Variants in IWS1 observed in about 807,000 individuals in gnomAD.
The protein encoded by IWS1 is interacts with SUPT6H, CTD assembly factor 1, also known as protein IWS1 homolog.
IWS1 carries 27 observed loss-of-function variants against 86.7 expected under a neutral mutation model. The ratio of observed to expected loss-of-function variants is 0.31; its 90% confidence interval spans 0.23 to 0.43. The LOEUF (loss-of-function observed/expected upper bound fraction) is 0.43, where lower values mean the gene tolerates loss of function less well. Among genes scored for constraint, IWS1 ranks in the 20% least tolerant of loss-of-function variants. The pLI is 1.00. For missense variants in IWS1, 827 were observed against 1,000.8 expected, an observed-to-expected ratio of 0.83 and a Z score of 2.34; for synonymous variants, 313 against 335.1, an observed-to-expected ratio of 0.93 and a Z score of 0.72.
intron 2 of IWS1, among the ~76,000 whole-genome samples, chr2:127,522,314 A>G (rs1692143854): frequency 6.6e-6 from 1 of 152,176 alleles, no homozygotes; most frequent in Non-Finnish European, 1.5e-5. Flanking sequence ...TTCTTAATAA[A>G]AGACCTATAT....
At chr2:127,513,091 A>G (rs1421823239) in intron 2 of IWS1, among the ~76,000 whole-genome samples, 2 of 152,218 alleles carry the variant, frequency 1.3e-5, no homozygotes, top group East Asian at 1.9e-4. Context: ...AAATACAAAA[A>G]GTAGCTGGGT....
intron 1 of IWS1, 36 bp from the exon 2 acceptor site, chr2:127,523,827 T>G: frequency 7.2e-7 from 1 of 1,397,544 alleles, no homozygotes; most frequent in Non-Finnish European, 1.0e-6. Flanking sequence ...ACTTATGGTG[T>G]AAGATGAATG....
intron 13 of IWS1, among the ~76,000 whole-genome samples, chr2:127,483,649 T>C (rs1689780370): frequency 1.6e-5 from 2 of 127,284 alleles, no homozygotes; most frequent in Admixed American, 8.7e-5. Context: ...TGTGTGTGTG[T>C]TTTCTAGAGA....
At chr2:127,509,829 A>C (rs1691349988) in intron 2 of IWS1, among the ~76,000 whole-genome samples, 2 of 152,032 alleles carry the variant, frequency 1.3e-5, no homozygotes, top group African/African-American at 4.8e-5. Flanking sequence ...TGTTTATCTC[A>C]GTCTACAAAG....
Position 127,504,899 on chromosome 2 carries a change from C to A in IWS1, c.1004G>T (p.Arg335Met). ...QKPESDDDSD[R>M]ENKGEDTEMQ... The stretch of plus-strand genomic sequence containing the variant: ...TTCTGTATCCTCTCCCTTATTCTCC[C>A]TGTCGCTGTCATCATCTGACTCTGG... The change falls in exon 3 of 14, where the codon AGG (arginine) becomes ATG (methionine). Residue 335 changes from arginine to methionine, a missense_variant. Physicochemically the swap from Arg to Met is moderately conservative, Grantham distance 91 (BLOSUM62 -1). Coordinates refer to ENST00000295321, the MANE Select transcript of IWS1 (RefSeq NM_017969.3). 6.2e-7 allele frequency: 1 copy of A among 1,614,180 alleles called. No individual in the cohort carries two copies. The highest frequency in any genetic ancestry group is 8.5e-7 in the Non-Finnish European group (1 of 1,180,044).
chr2:127,508,298 T>C (rs374270616), intron 2 of IWS1, among the ~76,000 whole-genome samples: 2 of 152,188 alleles, frequency 1.3e-5, no homozygotes, highest in South Asian at 2.1e-4. Context: ...TCACAAAGTA[T>C]GTATATGATA....
At position 127,526,205 on chromosome 2, in the gene IWS1, C is replaced by A; in HGVS notation, c.4G>T (p.Asp2Tyr). The part of the protein sequence containing the change: M[D>Y]SEYYSGDQSD... ...TGGTCGCCGCTGTAATATTCCGAGT[C>A]CATGGCAGGCGGACTCTCAGCGGGG... The change falls in exon 1 of 14, where the codon GAC becomes TAC. Residue 2 changes from aspartate (D) to tyrosine (Y), a missense_variant. By Grantham distance (160) the Asp-to-Tyr change is radical (BLOSUM62 -3). Around this residue, in one of 2 missense-constraint regions of IWS1, gnomAD observed 548 missense variants for 560.2 expected, o/e 0.98. Transcript: ENST00000295321. 6.3e-7 allele frequency: 1 copy of A among 1,583,220 alleles called. No individual in the cohort carries two copies. Among genetic ancestry groups the A allele is most frequent in the Non-Finnish European group, 8.6e-7 (1 of 1,165,632 alleles).
chr2:127,504,370 T>A (rs569350873), intron 3 of IWS1, among the ~76,000 whole-genome samples: 89 of 152,272 alleles, frequency 5.8e-4, no homozygotes, highest in Admixed American at 2.1e-3. Context: ...GGGGTTTTTA[T>A]GTAAACGTAT....
intron 8 of IWS1, among the ~76,000 whole-genome samples, chr2:127,493,853 AACT>A (rs1465594641): frequency 4.0e-5 from 6 of 151,234 alleles, no homozygotes; most frequent in Admixed American, 6.6e-5. Context: ...AAAAAAAAAA[AACT>A]CAATAAAATA....
In IWS1 at chr2:127,496,019, G is replaced by C; in HGVS notation, c.1695C>G (p.Val565=). 6.2e-7 allele frequency: 1 copy of C among 1,613,190 alleles called. No homozygotes were observed. The highest frequency in any genetic ancestry group is 8.5e-7 in the Non-Finnish European group (1 of 1,179,680). The part of the protein sequence containing the change: ...DADDVVSAMI[V]KMNEAAEEDR... Reference sequence around the variant, plus strand: ...TCACCTCAGCAGCTTCATTCATCTTGACGATCATGGCACTCACGACGTCGT... The same window carrying C: ...TCACCTCAGCAGCTTCATTCATCTTCACGATCATGGCACTCACGACGTCGT... Residue 565 remains valine (V), a synonymous_variant, in exon 7 of 14, where the codon GTC becomes GTG. Coordinates refer to ENST00000295321, the MANE Select transcript of IWS1 (RefSeq NM_017969.3).
chr2:127,493,076 T>C (rs1045339368), intron 9 of IWS1: 7 of 402,438 alleles, frequency 1.7e-5, no homozygotes, highest in African/African-American at 1.5e-4. Context: ...CTAAGATTTT[T>C]TCCCTTCAAT....
chr2:127,498,150 T>G lies in IWS1; in HGVS notation c.1555A>C (p.Arg519=). The G allele has an allele frequency of 6.3e-7, 1 of 1,581,208 alleles. No homozygotes were observed. Among genetic ancestry groups the G allele is most frequent in the Admixed American group, 1.7e-5 (1 of 59,802 alleles). Residue 519 remains arginine (R), a synonymous_variant, in exon 6 of 14, where the codon AGA becomes CGA. Transcript: ENST00000295321. ...EDSDSDDNIK[R]GKHMDFLSDF... is the part of the protein sequence containing the mutation. ...TAAAAACAAACTTACTGTTTTCCTC[T>G]CTTTATGTTATCATCAGAATCTGAA...
rs773462636 is a variant in IWS1 at position 127,492,101 on chromosome 2, AAC to A, written c.1930-15_1930-14del. ...TCACACTAGGCAGCTGGGGAACATAAACACATACACACATATTAATCACTCGG... is the reference window on the plus strand; with the variant it reads ...TCACACTAGGCAGCTGGGGAACATAAACATACACACATATTAATCACTCGG... On this transcript the variant is annotated splice_polypyrimidine_tract_variant and intron_variant, in intron 9 of 13. Coordinates refer to ENST00000295321, the MANE Select transcript of IWS1 (RefSeq NM_017969.3). The A allele has an allele frequency of 6.5e-7, 1 of 1,535,350 alleles. No individual in the cohort carries two copies. The highest frequency in any genetic ancestry group is 1.1e-5 in the South Asian group (1 of 89,422).
chr2:127,503,725 T>C (rs1690946310), intron 3 of IWS1, 149 bp from the exon 4 acceptor site: 8 of 313,990 alleles, frequency 2.5e-5, no homozygotes, highest in Non-Finnish European at 3.8e-5. Flanking sequence ...TCAGAGGGCC[T>C]CCTGACACAT....
intron 2 of IWS1, among the ~76,000 whole-genome samples, chr2:127,518,922 G>A (rs1032534019): frequency 1.3e-5 from 2 of 152,068 alleles, no homozygotes; most frequent in African/African-American, 4.8e-5. Context: ...AACCCATGAC[G>A]AACAAAATAT....
intron 13 of IWS1, among the ~76,000 whole-genome samples, chr2:127,484,193 T>A (rs754623973): frequency 1.3e-5 from 2 of 151,952 alleles, no homozygotes; most frequent in African/African-American, 4.8e-5. Context: ...CCTGCCCTAG[T>A]CCCAGCTACT....
intron 1 of IWS1, among the ~76,000 whole-genome samples, chr2:127,525,091 A>AGGGGGGTGGGGTAGGGGCGTG (rs1692322983): frequency 1.3e-4 from 1 of 7,552 alleles, no homozygotes. Flanking sequence ...GAGACGAAGT[A>AGGGGGGTGGGGTAGGGGCGTG]GGGGGGTGGG....
chr2:127,526,938 C>G (rs900697397), upstream of IWS1: 1 of 278,922 alleles, frequency 3.6e-6, no homozygotes, highest in African/African-American at 2.2e-5. Context: ...ACAGCGCCTC[C>G]TCTCCCGGCG....
intron 13 of IWS1, among the ~76,000 whole-genome samples, chr2:127,483,585 G>GGGGGGGGGGGGGGGT (rs1689760108): frequency 4.6e-5 from 2 of 43,268 alleles, no homozygotes; most frequent in Non-Finnish European, 9.4e-5. Context: ...GCGGGGGGTG[G>GGGGGGGGGGGGGGGT]TGGGGTGGGG....
Sources: gnomAD v4.1 joint callset for allele counts (sites outside exome capture counted in the v4.1 genomes callset) on GRCh38, gnomAD v4.1.1 for gene constraint, gnomAD v4.1.1 regional missense constraint, MANE v1.5 for transcripts, NCBI Gene and HGNC (gene_info 2026-07-23, HGNC 2026-07-21) for gene names.